Variants in VPS53 observed in about 807,000 individuals in gnomAD.
The protein encoded by VPS53 is VPS53 subunit of GARP complex.
VPS53 carries 70 observed loss-of-function variants against 107.0 expected under a neutral mutation model. That is an observed-to-expected ratio of 0.65 (90% CI 0.54 to 0.80). The LOEUF (loss-of-function observed/expected upper bound fraction) is 0.80, where lower values mean the gene tolerates loss of function less well. Among genes scored for constraint, VPS53 ranks in the 30% least tolerant of loss-of-function variants. VPS53 has a pLI of 0.00. For missense variants in VPS53, 917 were observed against 1,049.4 expected, an observed-to-expected ratio of 0.87 and a Z score of 1.74; for synonymous variants, 409 against 393.3, an observed-to-expected ratio of 1.04 and a Z score of -0.47.
chr17:545,789 A>G (rs1911134626), intron 17 of VPS53, among the ~76,000 whole-genome samples: 2 of 152,268 alleles, frequency 1.3e-5, no homozygotes, highest in Non-Finnish European at 2.9e-5. Context: ...AAAAATGATT[A>G]CATAACAAAG....
chr17:635,797 T>C (rs557679319), intron 7 of VPS53, among the ~76,000 whole-genome samples: 20 of 152,366 alleles, frequency 1.3e-4, no homozygotes, highest in African/African-American at 4.8e-4. Flanking sequence ...TTGGTTACTA[T>C]AGCCTTGTAG....
intron 16 of VPS53, chr17:552,844 G>A (rs752296647): frequency 8.0e-5 from 32 of 401,118 alleles, no homozygotes; most frequent in Non-Finnish European, 9.3e-5. Context: ...GTTCTGTAGT[G>A]ACTAAAGCCA....
intron 13 of VPS53, among the ~76,000 whole-genome samples, chr17:584,807 T>C (rs573626259): frequency 1.3e-5 from 2 of 152,314 alleles, no homozygotes; most frequent in African/African-American, 2.4e-5. Context: ...ATTACAGGTG[T>C]GACCCACTGT....
At chr17:565,714 G>A (rs532257269) in intron 13 of VPS53, among the ~76,000 whole-genome samples, 25 of 151,700 alleles carry the variant, frequency 1.6e-4, no homozygotes, top group African/African-American at 4.4e-4. Flanking sequence ...AGTGGGCCTC[G>A]CAACGGCTCC....
intron 4 of VPS53, among the ~76,000 whole-genome samples, chr17:687,870 A>G (rs748212573): frequency 5.9e-5 from 9 of 152,226 alleles, no homozygotes; most frequent in Admixed American, 3.3e-4. Context: ...GGTCACACAG[A>G]TAACAGCAGA....
intron 19 of VPS53, among the ~76,000 whole-genome samples, chr17:528,589 TCAA>T (rs1909290597): frequency 7.1e-6 from 1 of 140,128 alleles, no homozygotes; most frequent in Non-Finnish European, 1.5e-5. Flanking sequence ...CATTTTTTTT[TCAA>T]TTCTTTTTTT....
chr17:602,658 G>C (rs1007052211), intron 11 of VPS53, among the ~76,000 whole-genome samples: 4 of 152,202 alleles, frequency 2.6e-5, no homozygotes, highest in African/African-American at 9.6e-5. Context: ...CAGCTTCTCT[G>C]AGCCTCAGTA....
chr17:656,155 G>C (rs1389279702), intron 5 of VPS53, among the ~76,000 whole-genome samples: 2 of 152,008 alleles, frequency 1.3e-5, no homozygotes, highest in Non-Finnish European at 2.9e-5. Flanking sequence ...ACTTTACTCA[G>C]GGTTATAAAA....
At chr17:703,344 CT>C (rs1973276194) in intron 2 of VPS53, among the ~76,000 whole-genome samples, 3 of 152,114 alleles carry the variant, frequency 2.0e-5, no homozygotes, top group African/African-American at 4.8e-5. Context: ...TGCAGAGATC[CT>C]CTTTCTTACT....
intron 6 of VPS53, 133 bp downstream of exon 6, chr17:655,705 C>G: frequency 1.2e-6 from 1 of 809,450 alleles, no homozygotes; most frequent in South Asian, 1.9e-5. Context: ...TGACTGAACA[C>G]TTGAAGCCAA....
intron 5 of VPS53, among the ~76,000 whole-genome samples, chr17:660,627 T>G (rs1054200924): frequency 6.8e-5 from 10 of 146,704 alleles, no homozygotes; most frequent in Non-Finnish European, 1.4e-4. Context: ...CTGGGTGTGG[T>G]GCACCCTTGG....
chr17:638,348 A>G (rs1970280744), intron 7 of VPS53, among the ~76,000 whole-genome samples: 2 of 152,128 alleles, frequency 1.3e-5, no homozygotes, highest in Non-Finnish European at 2.9e-5. Context: ...CAGCACACCG[A>G]TGGGTCTTGA....
In VPS53 at chr17:512,358, G is replaced by T. The variant is rs1229822348; in HGVS notation, c.*6770C>A. On this transcript the variant is annotated 3_prime_UTR_variant, in exon 22 of 22. Coordinates refer to ENST00000437048, the MANE Select transcript of VPS53 (RefSeq NM_001128159.3). Reference sequence around the variant, plus strand: ...CAATATTGAAAATGGATGCTCAGGGGATCAGTGACTCGCCTGGTGTCAAAG... The same window carrying T: ...CAATATTGAAAATGGATGCTCAGGGTATCAGTGACTCGCCTGGTGTCAAAG... 1 of 152,208 alleles carries T rather than the reference G, an allele frequency of 6.6e-6. No individual in the cohort carries two copies. The highest frequency in any genetic ancestry group is 2.1e-4 in the South Asian group (1 of 4,830). 9.4% of individuals were successfully genotyped at this position (152,208 alleles called of 1,614,324 possible). A position where few individuals can be genotyped will look rare whatever the true frequency, so the allele number is the denominator to read the frequency against.
At chr17:707,631 A>G (rs1271686101) in intron 2 of VPS53, among the ~76,000 whole-genome samples, 2 of 151,630 alleles carry the variant, frequency 1.3e-5, no homozygotes, top group African/African-American at 4.8e-5. Flanking sequence ...GGAGGATCAC[A>G]TTAGCTCAGG....
intron 13 of VPS53, among the ~76,000 whole-genome samples, chr17:579,777 C>A (rs896089040): frequency 7.4e-6 from 1 of 135,992 alleles, no homozygotes; most frequent in African/African-American, 2.6e-5. Context: ...TCCGTCAGAA[C>A]CTGAGTGCAT....
Position 711,048 on chromosome 17 carries a change from C to CA in VPS53, c.88-436dup, listed in dbSNP as rs202167313. Reference sequence around the variant, plus strand: ...GCAACATGGTGAAACCACATCTCTACAAAAAAAAATTAGCTGGGTGCCATG... The same window carrying CA: ...GCAACATGGTGAAACCACATCTCTACAAAAAAAAAATTAGCTGGGTGCCATG... On this transcript the variant is annotated intron_variant, in intron 1 of 21. Transcript: ENST00000437048. Among the ~76,000 whole-genome samples, 236 of 151,382 alleles carry CA rather than the reference C, an allele frequency of 1.6e-3. 1 individual carries two copies. Among genetic ancestry groups the CA allele is most frequent in the Non-Finnish European group, 2.5e-3 (169 of 67,786 alleles).
intron 5 of VPS53, chr17:657,407 GA>G: frequency 2.4e-6 from 2 of 836,990 alleles, no homozygotes; most frequent in Non-Finnish European, 4.1e-6. Context: ...TGTTCCTTAG[GA>G]AAATGATGAG....
chr17:555,262 C>T (rs764887485), intron 15 of VPS53, among the ~76,000 whole-genome samples: 5 of 152,224 alleles, frequency 3.3e-5, no homozygotes, highest in African/African-American at 4.8e-5. Flanking sequence ...CAGGGTCCTT[C>T]GCCCTCAGGA....
At chr17:593,661 C>T (rs1410247467) in intron 12 of VPS53, among the ~76,000 whole-genome samples, 1 of 152,144 alleles carries the variant, frequency 6.6e-6, no homozygotes, top group African/African-American at 2.4e-5. Context: ...AGGAAACAAC[C>T]GGTGCTGGAG....
Sources: allele counts gnomAD v4.1 joint callset (sites outside exome capture counted in the v4.1 genomes callset), GRCh38; gene constraint gnomAD v4.1.1; transcripts MANE v1.5; gene names NCBI Gene and HGNC (gene_info 2026-07-23, HGNC 2026-07-21).